The following LRP1B variants were observed in gnomAD, a reference collection of about 807,000 sequenced individuals.
The protein encoded by LRP1B is LDL receptor related protein 1B, also known as low-density lipoprotein receptor-related protein 1B.
Under a neutral mutation model 556.6 loss-of-function variants are expected in LRP1B, and 217 were observed. The observed-to-expected ratio is 0.39, with a 90% CI of 0.35 to 0.44. The LOEUF is 0.44. Ranked by LOEUF, LRP1B falls within the 20% of genes least tolerant of loss-of-function variation. The pLI, the probability that LRP1B is intolerant of heterozygous loss-of-function variation, is 1.00. For synonymous variants in LRP1B, 2,047 were observed against 1,865.8 expected, an observed-to-expected ratio of 1.10 and a Z score of -2.50; for missense variants, 5,053 against 5,620.8, an observed-to-expected ratio of 0.90 and a Z score of 3.23.
intron 59 of LRP1B, among the ~76,000 whole-genome samples, chr2:140,484,100 T>A (rs1688367490): frequency 6.6e-6 from 1 of 152,152 alleles, no homozygotes; most frequent in African/African-American, 2.4e-5. Flanking sequence ...TAAATTAAAA[T>A]AAAATTGATA....
intron 84 of LRP1B, among the ~76,000 whole-genome samples, chr2:140,278,195 G>T (rs570982529): frequency 6.6e-6 from 1 of 151,860 alleles, no homozygotes; most frequent in Admixed American, 6.6e-5. Context: ...AGTCAAGAAG[G>T]ATTTATCTTA....
At chr2:141,768,611 T>G (rs1009211539) in intron 2 of LRP1B, among the ~76,000 whole-genome samples, 16 of 152,236 alleles carry the variant, frequency 1.1e-4, no homozygotes, top group Non-Finnish European at 2.4e-4. Context: ...ATCATGAGTA[T>G]GCTCAAACAG....
intron 41 of LRP1B, among the ~76,000 whole-genome samples, chr2:140,696,435 T>A (rs951242448): frequency 6.6e-6 from 1 of 152,218 alleles, no homozygotes; most frequent in African/African-American, 2.4e-5. Flanking sequence ...TTTTAAGTTT[T>A]AGTCAGACCT....
chr2:141,009,508 G>T (rs1697679005), intron 14 of LRP1B, among the ~76,000 whole-genome samples: 1 of 151,786 alleles, frequency 6.6e-6, no homozygotes, highest in Admixed American at 6.6e-5. Flanking sequence ...ATACTCCTTT[G>T]TTTTGGCGGG....
intron 11 of LRP1B, among the ~76,000 whole-genome samples, chr2:141,038,925 ATATT>A (rs1251990608): frequency 2.1e-4 from 32 of 152,162 alleles, no homozygotes; most frequent in African/African-American, 7.2e-4. Context: ...ACCAATCAGA[ATATT>A]TATTAATGTA....
intron 1 of LRP1B, among the ~76,000 whole-genome samples, chr2:141,845,830 C>A (rs530763656): frequency 3.3e-5 from 5 of 151,628 alleles, no homozygotes; most frequent in African/African-American, 9.7e-5. Flanking sequence ...TATAGGAGAA[C>A]TGGAAAATAC....
chr2:141,336,250 C>T (rs1245122545), intron 3 of LRP1B, among the ~76,000 whole-genome samples: 2 of 152,062 alleles, frequency 1.3e-5, no homozygotes, highest in African/African-American at 2.4e-5. Flanking sequence ...TGATGTTCCC[C>T]AGAATTATAA....
intron 47 of LRP1B, among the ~76,000 whole-genome samples, chr2:140,532,549 AC>A (rs1370911930): frequency 6.6e-6 from 1 of 151,834 alleles, no homozygotes; most frequent in East Asian, 2.0e-4. Context: ...GGCGAGTGCA[AC>A]CACGCCTGGC....
chr2:140,332,265 T>C (rs1680852911), intron 79 of LRP1B, among the ~76,000 whole-genome samples: 2 of 152,044 alleles, frequency 1.3e-5, no homozygotes, highest in African/African-American at 2.4e-5. Context: ...ATGACACAAT[T>C]CTTACCTTTT....
intron 1 of LRP1B, among the ~76,000 whole-genome samples, chr2:142,096,516 C>T (rs1464820782): frequency 2.7e-5 from 4 of 150,770 alleles, no homozygotes; most frequent in African/African-American, 9.7e-5. Context: ...TATGGTGAAT[C>T]TATTTGTTCC....
chr2:141,648,132 A>G (rs565813755), intron 2 of LRP1B, among the ~76,000 whole-genome samples: 13 of 152,062 alleles, frequency 8.5e-5, no homozygotes, highest in African/African-American at 2.2e-4. Context: ...TAAATTAAAC[A>G]TAATCATCTT....
intron 87 of LRP1B, 73 bp from the exon 88 acceptor site, chr2:140,239,605 AT>A: frequency 1.1e-6 from 1 of 897,090 alleles, no homozygotes; most frequent in Non-Finnish European, 1.7e-6. Flanking sequence ...TAAGTACTTT[AT>A]TATACCAAAT....
intron 3 of LRP1B, among the ~76,000 whole-genome samples, chr2:141,292,365 C>T (rs1686006501): frequency 6.6e-6 from 1 of 152,148 alleles, no homozygotes. Context: ...CAGAATGCTC[C>T]CTCTATCAAC....
chr2:140,463,707 G>A (rs1687416729), intron 60 of LRP1B, among the ~76,000 whole-genome samples: 1 of 152,148 alleles, frequency 6.6e-6, no homozygotes. Context: ...TTGCTGGGAT[G>A]GAAAGTAGCT....
chr2:141,301,309 T>C (rs548503775), intron 3 of LRP1B, among the ~76,000 whole-genome samples: 1 of 152,294 alleles, frequency 6.6e-6, no homozygotes, highest in South Asian at 2.1e-4. Flanking sequence ...TAGTTTTATA[T>C]CTTGATCTCT....
At chr2:140,446,367 T>C (rs893333049) in intron 63 of LRP1B, among the ~76,000 whole-genome samples, 1 of 152,164 alleles carries the variant, frequency 6.6e-6, no homozygotes, top group African/African-American at 2.4e-5. Context: ...TACAAATTTG[T>C]GATGCCAGAG....
At chr2:141,903,731 G>C (rs1368142843) in intron 1 of LRP1B, among the ~76,000 whole-genome samples, 1 of 151,866 alleles carries the variant, frequency 6.6e-6, no homozygotes. Flanking sequence ...CCTACAAAGA[G>C]TTTACAGATT....
rs540916322 is a variant in LRP1B, at chr2:140,730,056, TAAC to T, written c.5759-13243_5759-13241del. ...GATTCCTTCTTCGTCCGTATTCACCTAACAACCACATCCAATCAATCAGCAAGT... is the reference window on the plus strand; with the variant it reads ...GATTCCTTCTTCGTCCGTATTCACCTAACCACATCCAATCAATCAGCAAGT... On this transcript the variant is annotated intron_variant, in intron 35 of 90. Transcript: ENST00000389484. 1.3e-4 allele frequency among the ~76,000 whole-genome samples: 20 copies of T among 152,316 alleles called. No individual in the cohort carries two copies. In the South Asian group the frequency reaches 3.1e-3, roughly 24 times the overall value.
intron 41 of LRP1B, among the ~76,000 whole-genome samples, chr2:140,605,831 C>T (rs752901506): frequency 9.2e-5 from 14 of 152,128 alleles, no homozygotes; most frequent in Middle Eastern, 3.4e-3. Context: ...AAATATTCAA[C>T]AAACTAGCAA....
Sources: allele counts gnomAD v4.1 joint callset (sites outside exome capture counted in the v4.1 genomes callset), GRCh38; gene constraint gnomAD v4.1.1; transcripts MANE v1.5; gene names NCBI Gene and HGNC (gene_info 2026-07-23, HGNC 2026-07-21).